Variants in LARS1 observed in about 807,000 individuals in gnomAD.
The protein encoded by LARS1 is leucyl-tRNA synthetase 1.
Under a neutral mutation model 162.8 loss-of-function variants are expected in LARS1, and 100 were observed. That is an observed-to-expected ratio of 0.61 (90% CI 0.52 to 0.73). LARS1 has a LOEUF of 0.73. Among genes scored for constraint, LARS1 ranks in the 30% least tolerant of loss-of-function variants. LARS1 has a pLI of 0.00. For synonymous variants in LARS1, 457 were observed against 462.8 expected, an observed-to-expected ratio of 0.99 and a Z score of 0.16; for missense variants, 1,258 against 1,408.9, an observed-to-expected ratio of 0.89 and a Z score of 1.71.
chr5:146,131,131 A>G lies in LARS1; in HGVS notation c.2397-22T>C, dbSNP rs572968230. 76 of 1,305,010 alleles carry G rather than the reference A, an allele frequency of 5.8e-5. No individual in the cohort carries two copies. In the African/African-American group the frequency reaches 6.0e-4, roughly 10 times the overall value. 80.8% of individuals were successfully genotyped at this position (1,305,010 alleles called of 1,614,324 possible). Reference sequence around the variant, plus strand: ...TTCACTATTGAATACGGGGAAAAAAAGGTTATTGAGTTTAAAGGCACTTAT... The same window carrying G: ...TTCACTATTGAATACGGGGAAAAAAGGGTTATTGAGTTTAAAGGCACTTAT... On this transcript the variant is annotated intron_variant, in intron 23 of 31. Coordinates refer to ENST00000394434, the MANE Select transcript of LARS1 (RefSeq NM_020117.11).
intron 8 of LARS1, among the ~76,000 whole-genome samples, chr5:146,158,173 ATC>A (rs1753616165): frequency 6.6e-6 from 1 of 152,316 alleles, no homozygotes; most frequent in East Asian, 1.9e-4. Flanking sequence ...GGTAGTCATA[ATC>A]TCTCTAAGCC....
At chr5:146,149,596 C>A (rs367980876) in intron 15 of LARS1, 26 bp downstream of exon 15, 243 of 1,537,890 alleles carry the variant, frequency 1.6e-4, no homozygotes, top group Non-Finnish European at 2.1e-4. Context: ...TCTAAAACAG[C>A]CTTCAGAGCA....
chr5:146,129,644 C>T (rs555313147), intron 25 of LARS1, among the ~76,000 whole-genome samples: 5 of 152,210 alleles, frequency 3.3e-5, no homozygotes, highest in East Asian at 3.9e-4. Context: ...AGTAAGAATG[C>T]TACTATCCCT....
intron 8 of LARS1, 112 bp from the exon 9 acceptor site, chr5:146,157,907 A>G: frequency 9.6e-7 from 1 of 1,038,020 alleles, no homozygotes; most frequent in Non-Finnish European, 1.5e-6. Context: ...TTGCATTATT[A>G]ATTTTTTTTT....
chr5:146,140,993 G>A lies in LARS1; in HGVS notation c.2091-732C>T, dbSNP rs544596356. On this transcript the variant is annotated intron_variant, in intron 20 of 31. Coordinates refer to ENST00000394434, the MANE Select transcript of LARS1 (RefSeq NM_020117.11). ...TAACAAATAGAGATATCAGATGCTG[G>A]TATATAAAATCACAAGAAACCAATA... Among the ~76,000 whole-genome samples, 4 of 152,266 alleles carry A rather than the reference G, an allele frequency of 2.6e-5. No individual in the cohort carries two copies. The South Asian group carries it at 8.3e-4, about 32-fold the overall frequency.
chr5:146,142,792 T>C (rs1321240517), intron 20 of LARS1, 80 bp downstream of exon 20: 3 of 1,059,044 alleles, frequency 2.8e-6, no homozygotes, highest in Admixed American at 5.0e-5. Context: ...CCCTCCACAA[T>C]AATTTATTAG....
At chr5:146,127,990 A>G (rs1299052956) in intron 27 of LARS1, among the ~76,000 whole-genome samples, 1 of 152,162 alleles carries the variant, frequency 6.6e-6, no homozygotes, top group Non-Finnish European at 1.5e-5. Flanking sequence ...AGTGCACCTT[A>G]GTGGTCTGCA....
rs760515987 is a variant in LARS1 at position 146,153,917 on chromosome 5, T to C, written c.1129A>G (p.Met377Val). The change falls in exon 11 of 32, where the codon ATG becomes GTG. Residue 377 changes from methionine (M) to valine (V), a missense_variant. By Grantham distance (21) the Met-to-Val change is conservative. Coordinates refer to ENST00000394434, the MANE Select transcript of LARS1 (RefSeq NM_020117.11). ...TSYKVIYVLP[M>V]LTIKEDKGTG... ...CCTTTATCCTCCTTAATAGTTAGCA[T>C]TGGGAGAACATAGATCACCTTGTAT... 9.9e-6 allele frequency: 16 copies of C among 1,612,018 alleles called. No individual in the cohort carries two copies. Among genetic ancestry groups the C allele is most frequent in the Non-Finnish European group, 9.3e-6 (11 of 1,179,092 alleles).
intron 27 of LARS1, among the ~76,000 whole-genome samples, 163 bp downstream of exon 27, chr5:146,128,509 T>A (rs937422120): frequency 1.3e-5 from 2 of 151,844 alleles, no homozygotes; most frequent in Admixed American, 1.3e-4. Flanking sequence ...TCAGCATCCA[T>A]TTAAGAGCCA....
intron 27 of LARS1, among the ~76,000 whole-genome samples, chr5:146,126,897 A>C (rs1039224179): frequency 1.3e-5 from 2 of 152,136 alleles, no homozygotes; most frequent in African/African-American, 4.8e-5. Context: ...CACAACTATC[A>C]TACAAGTTTA....
intron 21 of LARS1, among the ~76,000 whole-genome samples, chr5:146,135,948 T>C (rs144617816): frequency 5.3e-5 from 8 of 152,342 alleles, no homozygotes; most frequent in African/African-American, 1.4e-4. Context: ...GGGTTAGACA[T>C]GTGTAATGAT....
intron 4 of LARS1, among the ~76,000 whole-genome samples, chr5:146,169,008 T>C (rs1387837080): frequency 6.6e-6 from 1 of 152,002 alleles, no homozygotes; most frequent in Non-Finnish European, 1.5e-5. Context: ...GGCACATGTA[T>C]ACACATGTAA....
chr5:146,177,188 C>T (rs1754620759), intron 2 of LARS1, among the ~76,000 whole-genome samples: 1 of 152,004 alleles, frequency 6.6e-6, no homozygotes, highest in Non-Finnish European at 1.5e-5. Flanking sequence ...TGCACAGGGC[C>T]GGGCGTGGTG....
At position 146,153,120 on chromosome 5, in the gene LARS1, T is replaced by C; in HGVS notation, c.1284+54A>G. On this transcript the variant is annotated intron_variant, in intron 13 of 31. Coordinates refer to ENST00000394434, the MANE Select transcript of LARS1 (RefSeq NM_020117.11). ...TATAAGGAAAACATGTTAGCTCTTC[T>C]TTTTCTCTGATAAAGAGATGGATGT... 9 of 1,376,954 alleles carry C rather than the reference T, an allele frequency of 6.5e-6. No homozygotes were observed. The Admixed American group carries it at 7.4e-5, about 11-fold the overall frequency. 85.3% of individuals were successfully genotyped at this position (1,376,954 alleles called of 1,614,324 possible).
chr5:146,166,962 C>T (rs893986185), intron 5 of LARS1, among the ~76,000 whole-genome samples: 2 of 152,170 alleles, frequency 1.3e-5, no homozygotes, highest in African/African-American at 2.4e-5. Flanking sequence ...CATATACTCC[C>T]TAACGCTTGA....
At chr5:146,131,163 C>G (rs1378438900) in intron 23 of LARS1, 54 bp from the exon 24 acceptor site, 1 of 742,218 alleles carries the variant, frequency 1.3e-6, no homozygotes, top group Non-Finnish European at 2.1e-6. Context: ...TTATACATAG[C>G]TATAAAAAAC....
At position 146,120,383 on chromosome 5, in the gene LARS1, G is replaced by T. The variant is rs369437593; in HGVS notation, c.3313C>A (p.Arg1105=). ...SIIRRLMKMN[R]GIKDLSKVKL... is the part of the protein sequence containing the mutation. ...GGGAACAACTTACCTTTAATTCCTC[G>T]ATTCATTTTCATTAAACGCCTGATT... is the stretch of plus-strand genomic sequence containing the variant. The change falls in exon 31 of 32, where the codon CGA becomes AGA. Residue 1105 remains arginine, a synonymous_variant. Coordinates refer to ENST00000394434, the MANE Select transcript of LARS1 (RefSeq NM_020117.11). 1.9e-6 allele frequency: 3 copies of T among 1,612,812 alleles called. No homozygotes were observed. Among genetic ancestry groups the T allele is most frequent in the Admixed American group, 1.7e-5 (1 of 59,912 alleles).
At position 146,132,999 on chromosome 5, in the gene LARS1, G is replaced by A. The variant is rs1554127663; in HGVS notation, c.2295C>T (p.Leu765=). Reference sequence around the variant, plus strand: ...CCCACTCTACCCAGGTGTACAGACGGAGAATACCTGCATCTGCCATGGCTT... The same window carrying A: ...CCCACTCTACCCAGGTGTACAGACGAAGAATACCTGCATCTGCCATGGCTT... ...FVEAMADAGI[L]RLYTWVEWVK... The change falls in exon 23 of 32, where the codon CTC becomes CTT. Residue 765 remains leucine, a synonymous_variant. Coordinates refer to ENST00000394434, the MANE Select transcript of LARS1 (RefSeq NM_020117.11). The A allele has an allele frequency of 3.1e-6, 5 of 1,613,988 alleles. No individual in the cohort carries two copies. Among genetic ancestry groups the A allele is most frequent in the Non-Finnish European group, 4.2e-6 (5 of 1,179,930 alleles).
intron 14 of LARS1, among the ~76,000 whole-genome samples, chr5:146,151,165 A>G (rs946840426): frequency 6.6e-6 from 1 of 152,242 alleles, no homozygotes; most frequent in Non-Finnish European, 1.5e-5. Context: ...AAATTAATAT[A>G]TAAGTGCTAC....
Sources: allele counts gnomAD v4.1 joint callset (sites outside exome capture counted in the v4.1 genomes callset), GRCh38; gene constraint gnomAD v4.1.1; transcripts MANE v1.5; gene names NCBI Gene and HGNC (gene_info 2026-07-23, HGNC 2026-07-21).